The following SLC25A43 variants were observed in gnomAD, a reference collection of about 807,000 sequenced individuals.
The protein encoded by SLC25A43 is solute carrier family 25 member 43.
A neutral mutation model predicts 22.8 loss-of-function variants in SLC25A43; 10 were observed. That is an observed-to-expected ratio of 0.44 (90% CI 0.27 to 0.74). The LOEUF (loss-of-function observed/expected upper bound fraction) is 0.74, where lower values mean the gene tolerates loss of function less well. SLC25A43 is among the 30% of genes least tolerant of loss of function. The pLI is 0.17. For missense variants in SLC25A43, 233 were observed against 279.1 expected (o/e 0.83, Z 1.18); for synonymous variants, 106 against 121.6 (o/e 0.87, Z 0.84).
intron 3 of SLC25A43, among the ~76,000 whole-genome samples, chrX:119,437,102 A>G (rs1177292971): frequency 3.1e-5 from 1 of 32,699 alleles, no homozygotes; most frequent in Non-Finnish European, 5.7e-5. Flanking sequence ...CCTACCCATG[A>G]GCATGGAATG....
At chrX:119,413,744 T>C (rs1467421739) in intron 3 of SLC25A43, among the ~76,000 whole-genome samples, 1 of 111,454 alleles carries the variant, frequency 9.0e-6, no homozygotes, top group East Asian at 2.8e-4. Flanking sequence ...TTTTTTCACT[T>C]ATTATATAAT....
chrX:119,429,038 G>A (rs1369982343), intron 3 of SLC25A43, among the ~76,000 whole-genome samples: 2 of 109,569 alleles, frequency 1.8e-5, no homozygotes, highest in Non-Finnish European at 3.8e-5. Context: ...TTTTTGCTTT[G>A]GTCAAAGGGC....
chrX:119,450,265 C>A (rs758146813), intron 3 of SLC25A43, among the ~76,000 whole-genome samples: 6 of 111,250 alleles, frequency 5.4e-5, no homozygotes, highest in African/African-American at 2.0e-4. Flanking sequence ...CAAATATTGC[C>A]CCCTAAGAAA....
chrX:119,448,056 C>T (rs2052680838), intron 3 of SLC25A43, among the ~76,000 whole-genome samples: 1 of 111,620 alleles, frequency 9.0e-6, no homozygotes, highest in Non-Finnish European at 1.9e-5. Context: ...CCATAGCGTC[C>T]TCCATCTCAG....
chrX:119,423,099 G>A (rs1240975819), intron 3 of SLC25A43: 1 of 111,405 alleles, frequency 9.0e-6, no homozygotes, highest in Admixed American at 9.6e-5. Context: ...ACAAAAAGTT[G>A]GCCCTCCTTA....
chrX:119,426,713 C>T (rs1260829469), intron 3 of SLC25A43, among the ~76,000 whole-genome samples: 2 of 109,251 alleles, frequency 1.8e-5, no homozygotes, highest in Non-Finnish European at 3.8e-5. Context: ...GTCCCAGCTA[C>T]TCAATAGGCT....
At chrX:119,426,436 TAC>T in intron 3 of SLC25A43, 1 of 120,286 alleles carries the variant, frequency 8.3e-6, no homozygotes, top group Middle Eastern at 8.4e-4. Flanking sequence ...CCATAATAAG[TAC>T]TGTCAATAAT....
At chrX:119,435,098 C>G (rs1157038782) in intron 3 of SLC25A43, among the ~76,000 whole-genome samples, 2 of 110,856 alleles carry the variant, frequency 1.8e-5, no homozygotes, top group Non-Finnish European at 3.8e-5. Flanking sequence ...CTCGGCCTCC[C>G]AAAATGCTGG....
intron 3 of SLC25A43, among the ~76,000 whole-genome samples, chrX:119,418,756 A>C (rs965564900): frequency 8.9e-6 from 1 of 111,737 alleles, no homozygotes; most frequent in East Asian, 2.8e-4. Context: ...TCTGGTGGGA[A>C]GGGGGGTGGG....
chrX:119,426,588 C>G (rs1283572513), intron 3 of SLC25A43, among the ~76,000 whole-genome samples: 2 of 111,224 alleles, frequency 1.8e-5, no homozygotes, highest in Non-Finnish European at 3.8e-5. Flanking sequence ...TTTGGGAGGC[C>G]GAGGTGGGTG....
At chrX:119,405,595 CAAAAA>C (rs56389948) in intron 1 of SLC25A43, among the ~76,000 whole-genome samples, 3,125 of 50,799 alleles carry the variant, frequency 0.062, 29 homozygotes, top group South Asian at 0.16. Flanking sequence ...CCTATCTCTA[CAAAAA>C]AAAAAAAAAA....
At chrX:119,402,349 T>C (rs1157479370) in intron 1 of SLC25A43, among the ~76,000 whole-genome samples, 3 of 111,854 alleles carry the variant, frequency 2.7e-5, no homozygotes, top group Non-Finnish European at 5.6e-5. Flanking sequence ...CTTAGTTGGA[T>C]TGACGATCAA....
chrX:119,399,693 G>A lies in SLC25A43; in HGVS notation c.275+15G>A. ...GCCTACCGCAAGTAAGAGCCGGGCG[G>A]GGCCGGGGAACCGGGAGACCGGACG... On this transcript the variant is annotated intron_variant, in intron 1 of 4. Coordinates refer to ENST00000217909, the MANE Select transcript of SLC25A43 (RefSeq NM_145305.3). 1 of 991,314 alleles carries A rather than the reference G, an allele frequency of 1.0e-6. No homozygotes were observed. Among genetic ancestry groups the A allele is most frequent in the Non-Finnish European group, 1.3e-6 (1 of 788,064 alleles). The allele number at this position is 991,314 out of a possible 1,213,427, so 81.7% of individuals were successfully genotyped here.
At chrX:119,407,146 G>A (rs780035491) in intron 2 of SLC25A43, among the ~76,000 whole-genome samples, 1 of 112,170 alleles carries the variant, frequency 8.9e-6, no homozygotes, top group South Asian at 3.7e-4. Context: ...TGCAGCATTT[G>A]ATAAGGTTGA....
chrX:119,443,329 A>C (rs1448576978), intron 3 of SLC25A43, among the ~76,000 whole-genome samples: 1 of 110,777 alleles, frequency 9.0e-6, no homozygotes, highest in African/African-American at 3.3e-5. Context: ...CATGTTGGCA[A>C]GGCTGGTTTC....
At chrX:119,404,947 C>G (rs1005285432) in intron 1 of SLC25A43, among the ~76,000 whole-genome samples, 6 of 112,020 alleles carry the variant, frequency 5.4e-5, no homozygotes, top group African/African-American at 1.9e-4. Context: ...CAAGTTTGCT[C>G]TAGGGTATGG....
intron 3 of SLC25A43, among the ~76,000 whole-genome samples, chrX:119,419,493 G>A (rs1369972630): frequency 9.0e-6 from 1 of 111,406 alleles, no homozygotes; most frequent in Non-Finnish European, 1.9e-5. Flanking sequence ...AGAGATGCTC[G>A]ACACCTCGGG....
Position 119,430,396 on chromosome X carries a change from A to G in SLC25A43, c.690+20034A>G, listed in dbSNP as rs947608130. 2.7e-5 allele frequency among the ~76,000 whole-genome samples: 3 copies of G among 112,481 alleles called. No individual in the cohort carries two copies. In the Admixed American group the frequency reaches 2.8e-4, roughly 11 times the overall value. On this transcript the variant is annotated intron_variant, in intron 3 of 4. Coordinates refer to ENST00000217909, the MANE Select transcript of SLC25A43 (RefSeq NM_145305.3). ...TTATTATTATTACCCCATTTTACAG[A>G]TGAGGAAATTGAAGCTCCAGAAGGT...
At chrX:119,425,223 A>G (rs1321934813) in intron 3 of SLC25A43, among the ~76,000 whole-genome samples, 2 of 112,042 alleles carry the variant, frequency 1.8e-5, no homozygotes, top group Non-Finnish European at 3.8e-5. Flanking sequence ...GTCTTTGGCC[A>G]GCCTTGAACG....
Sources: gnomAD v4.1 joint callset for allele counts (sites outside exome capture counted in the v4.1 genomes callset) on GRCh38, gnomAD v4.1.1 for gene constraint, MANE v1.5 for transcripts, NCBI Gene and HGNC (gene_info 2026-07-23, HGNC 2026-07-21) for gene names.